The following SORBS2 variants were observed in gnomAD, a reference collection of about 807,000 sequenced individuals.
The protein encoded by SORBS2 is sorbin and SH3 domain-containing protein 2.
SORBS2 carries 46 observed loss-of-function variants against 97.7 expected under a neutral mutation model. That is an observed-to-expected ratio of 0.47 (90% confidence interval 0.37 to 0.60). SORBS2 has a LOEUF of 0.60. Among genes scored for constraint, SORBS2 ranks in the 20% least tolerant of loss-of-function variants. SORBS2 has a pLI of 0.00. For missense variants in SORBS2, 1,316 were observed against 1,282.3 expected, an observed-to-expected ratio of 1.03 and a Z score of -0.40; for synonymous variants, 476 against 473.4, an observed-to-expected ratio of 1.01 and a Z score of -0.07.
At chr4:185,593,106 G>A (rs1019306894) in intron 13 of SORBS2, 1 of 152,460 alleles carries the variant, frequency 6.6e-6, no homozygotes, top group African/African-American at 2.4e-5. Context: ...CAGTGGGTCA[G>A]GATCCCCAGT....
intron 1 of SORBS2, among the ~76,000 whole-genome samples, chr4:185,926,662 TTAAA>T (rs1242420868): frequency 2.6e-5 from 4 of 152,126 alleles, no homozygotes; most frequent in African/African-American, 9.7e-5. Context: ...TTAGTATAAT[TTAAA>T]TATTGTTCTG....
At chr4:185,657,442 G>C (rs140939381), upstream of SORBS2, 2 of 1,557,990 alleles carry the variant, frequency 1.3e-6, no homozygotes, top group South Asian at 1.2e-5. Context: ...TTGCTGTGGG[G>C]ATTCCGGATT....
intron 1 of SORBS2, among the ~76,000 whole-genome samples, chr4:185,943,393 T>C (rs985060157): frequency 1.3e-5 from 2 of 152,238 alleles, no homozygotes. Context: ...GTCATGAAAT[T>C]GTGTGCCTCC....
At chr4:185,882,787 C>G (rs72707675) in intron 1 of SORBS2, among the ~76,000 whole-genome samples, 19,829 of 152,196 alleles carry the variant, frequency 0.13, 1,673 homozygotes, top group Non-Finnish European at 0.19. Context: ...GCCCACACAT[C>G]TATGCCAATT....
chr4:185,893,723 A>G (rs2099243615), intron 1 of SORBS2, among the ~76,000 whole-genome samples: 1 of 152,122 alleles, frequency 6.6e-6, no homozygotes, highest in South Asian at 2.1e-4. Context: ...TGGAAGGAAC[A>G]GGGGCTAGGG....
intron 1 of SORBS2, among the ~76,000 whole-genome samples, chr4:185,949,448 C>T (rs900893721): frequency 6.6e-6 from 1 of 152,066 alleles, no homozygotes; most frequent in Non-Finnish European, 1.5e-5. Context: ...TATCATCCCA[C>T]TTCATTCACA....
At chr4:185,621,209 T>C (rs1206298671) in intron 7 of SORBS2, among the ~76,000 whole-genome samples, 3 of 152,202 alleles carry the variant, frequency 2.0e-5, no homozygotes, top group Non-Finnish European at 4.4e-5. Flanking sequence ...AAGAAAACAT[T>C]GTTTTAGGAT....
At chr4:185,820,660 C>A (rs189500461) in intron 1 of SORBS2, among the ~76,000 whole-genome samples, 43 of 152,320 alleles carry the variant, frequency 2.8e-4, no homozygotes, top group African/African-American at 9.6e-4. Context: ...AGCGTCTCAG[C>A]CGACACACAG....
At chr4:185,851,383 A>G (rs2099217805) in intron 1 of SORBS2, among the ~76,000 whole-genome samples, 1 of 152,220 alleles carries the variant, frequency 6.6e-6, no homozygotes, top group Admixed American at 6.5e-5. Flanking sequence ...TCCTTTAAGG[A>G]AATATAATAA....
intron 2 of SORBS2, among the ~76,000 whole-genome samples, chr4:185,695,571 A>G (rs1217799874): frequency 1.3e-5 from 2 of 152,006 alleles, no homozygotes; most frequent in African/African-American, 4.8e-5. Flanking sequence ...AAGGTTATGC[A>G]CCAGATTTTA....
At chr4:185,749,420 G>A (rs79274182) in intron 2 of SORBS2, among the ~76,000 whole-genome samples, 2 of 152,246 alleles carry the variant, frequency 1.3e-5, no homozygotes, top group East Asian at 1.9e-4. Flanking sequence ...TCAGGGAGAA[G>A]GAGATAGAGT....
At chr4:185,836,151 G>T (rs2099207935) in intron 1 of SORBS2, among the ~76,000 whole-genome samples, 2 of 151,994 alleles carry the variant, frequency 1.3e-5, no homozygotes, top group Admixed American at 1.3e-4. Flanking sequence ...TGTCTACTTG[G>T]GACTCAGATC....
At chr4:185,678,606 T>C in intron 3 of SORBS2, 59 bp from the exon 7 acceptor site, 1 of 1,447,422 alleles carries the variant, frequency 6.9e-7, no homozygotes, top group Non-Finnish European at 9.2e-7. Context: ...AAACATTTTT[T>C]ATAAAATTTA....
chr4:185,775,056 T>C (rs2098993369), intron 2 of SORBS2, 171 bp downstream of exon 2: 1 of 152,184 alleles, frequency 6.6e-6, no homozygotes, highest in African/African-American at 2.4e-5. Context: ...AGTTTAAAAC[T>C]TACAGCCACA....
chr4:185,909,377 G>C (rs2099253554), intron 1 of SORBS2, among the ~76,000 whole-genome samples: 1 of 152,142 alleles, frequency 6.6e-6, no homozygotes, highest in Non-Finnish European at 1.5e-5. Context: ...TGGAGACTCA[G>C]AAGGGCTAGG....
At chr4:185,748,747 AGTAGTATACT>A (rs2098780262) in intron 2 of SORBS2, among the ~76,000 whole-genome samples, 1 of 152,240 alleles carries the variant, frequency 6.6e-6, no homozygotes, top group Non-Finnish European at 1.5e-5. Flanking sequence ...GGATAGTTCA[AGTAGTATACT>A]GAAAAATGAT....
intron 2 of SORBS2, among the ~76,000 whole-genome samples, chr4:185,728,259 C>A (rs1477697775): frequency 6.6e-6 from 1 of 151,968 alleles, no homozygotes; most frequent in Non-Finnish European, 1.5e-5. Context: ...GACCAGGACT[C>A]CATGCTTTCA....
intron 2 of SORBS2, among the ~76,000 whole-genome samples, chr4:185,759,764 G>T (rs748584616): frequency 2.0e-5 from 3 of 152,148 alleles, no homozygotes; most frequent in Non-Finnish European, 2.9e-5. Context: ...GAAGTCAATC[G>T]TTATTCTATT....
intron 2 of SORBS2, among the ~76,000 whole-genome samples, chr4:185,760,640 C>G (rs1364945139): frequency 1.3e-5 from 2 of 152,228 alleles, no homozygotes; most frequent in African/African-American, 4.8e-5. Flanking sequence ...CTTTGGGATG[C>G]AGCAGCATTG....
Sources: allele counts gnomAD v4.1 joint callset (sites outside exome capture counted in the v4.1 genomes callset), GRCh38; gene constraint gnomAD v4.1.1; transcripts MANE v1.5; gene names NCBI Gene and HGNC (gene_info 2026-07-23, HGNC 2026-07-21).